ERC1: variants seen among roughly 807,000 people sequenced by gnomAD.
ERC1 encodes RAB6 interacting protein 2.
In ERC1, 56 loss-of-function variants were observed where a neutral mutation model predicts 132.0. That is an observed-to-expected ratio of 0.42 (90% confidence interval 0.34 to 0.53). The LOEUF (loss-of-function observed/expected upper bound fraction) is 0.53. ERC1 is among the 20% of genes least tolerant of loss of function. The pLI is 0.03. For synonymous variants in ERC1, 478 were observed against 476.1 expected (o/e 1.00, Z -0.05); for missense variants, 1,202 against 1,349.9 (o/e 0.89, Z 1.72).
intron 18 of ERC1, among the ~76,000 whole-genome samples, chr12:1,458,622 C>T (rs2093589156): frequency 6.6e-6 from 1 of 151,730 alleles, no homozygotes; most frequent in African/African-American, 2.4e-5. Flanking sequence ...ACAACCTCCA[C>T]CTCCCAGGTT....
chr12:1,471,435 A>G (rs906079679), intron 18 of ERC1, among the ~76,000 whole-genome samples: 2 of 152,274 alleles, frequency 1.3e-5, no homozygotes, highest in Non-Finnish European at 2.9e-5. Flanking sequence ...AAATTAAGAT[A>G]TGAGTATGTT....
At chr12:1,178,880 G>T (rs142466108) in intron 8 of ERC1, among the ~76,000 whole-genome samples, 14 of 152,204 alleles carry the variant, frequency 9.2e-5, no homozygotes, top group Admixed American at 4.6e-4. Context: ...CAGGGATTTG[G>T]TCTGTTTTCA....
intron 15 of ERC1, among the ~76,000 whole-genome samples, chr12:1,351,945 A>G (rs2085039276): frequency 1.3e-5 from 2 of 152,282 alleles, no homozygotes; most frequent in South Asian, 4.1e-4. Flanking sequence ...AATTAATGGT[A>G]CATTATTTAT....
rs577612189 is a variant in ERC1 at position 1,033,883 on chromosome 12, A to G, written c.669+5311A>G. ...GACCTCAGGTGATCTGCCCGCCTCAACCTCCCAAAGTGTTGGGATTACAGG... is the reference window on the plus strand; with the variant it reads ...GACCTCAGGTGATCTGCCCGCCTCAGCCTCCCAAAGTGTTGGGATTACAGG... On this transcript the variant is annotated intron_variant, in intron 2 of 18. Transcript: ENST00000360905. 6.6e-5 allele frequency among the ~76,000 whole-genome samples: 10 copies of G among 150,452 alleles called. 1 individual carries two copies. The highest frequency in any genetic ancestry group is 1.2e-4 in the Non-Finnish European group (8 of 67,410).
At chr12:1,231,747 A>AT (rs1031466696) in intron 12 of ERC1, among the ~76,000 whole-genome samples, 10 of 149,284 alleles carry the variant, frequency 6.7e-5, no homozygotes, top group East Asian at 3.9e-4. Flanking sequence ...AAGTAAAGCA[A>AT]TTTTTTTTTT....
intron 16 of ERC1, among the ~76,000 whole-genome samples, chr12:1,402,924 T>A (rs1406510653): frequency 6.6e-6 from 1 of 152,212 alleles, no homozygotes; most frequent in Non-Finnish European, 1.5e-5. Flanking sequence ...AGATTTTTTT[T>A]ATCAATACTA....
At chr12:1,286,875 G>T (rs2079076105) in intron 14 of ERC1, among the ~76,000 whole-genome samples, 1 of 152,104 alleles carries the variant, frequency 6.6e-6, no homozygotes, top group Non-Finnish European at 1.5e-5. Context: ...CTTTATGAAA[G>T]ATATTAAAGT....
chr12:1,170,189 G>A (rs540551188), intron 8 of ERC1, among the ~76,000 whole-genome samples: 196 of 152,218 alleles, frequency 1.3e-3, no homozygotes, highest in African/African-American at 4.6e-3. Flanking sequence ...TAATAAACAA[G>A]TTTTTGTATC....
intron 8 of ERC1, among the ~76,000 whole-genome samples, chr12:1,157,381 G>A (rs1378793840): frequency 6.6e-6 from 1 of 152,162 alleles, no homozygotes; most frequent in East Asian, 1.9e-4. Context: ...ATTCATACAT[G>A]CTTTTCTCTG....
At chr12:1,010,677 AT>A (rs999950942) in intron 1 of ERC1, among the ~76,000 whole-genome samples, 2 of 149,992 alleles carry the variant, frequency 1.3e-5, no homozygotes, top group African/African-American at 2.4e-5. Context: ...CACCTGGCTA[AT>A]TTTTTTTTAT....
intron 3 of ERC1, among the ~76,000 whole-genome samples, chr12:1,103,235 G>A (rs1449497025): frequency 2.0e-5 from 3 of 152,230 alleles, no homozygotes; most frequent in Non-Finnish European, 2.9e-5. Context: ...AAGGGCTTAA[G>A]GATCAGGAGC....
intron 14 of ERC1, among the ~76,000 whole-genome samples, chr12:1,271,731 A>C (rs1197364420): frequency 6.6e-6 from 1 of 152,172 alleles, no homozygotes; most frequent in East Asian, 1.9e-4. Context: ...TTCTCTTCTG[A>C]GATCCAAAGT....
intron 2 of ERC1, among the ~76,000 whole-genome samples, chr12:1,060,930 G>T (rs1242321252): frequency 6.6e-6 from 1 of 151,944 alleles, no homozygotes; most frequent in Non-Finnish European, 1.5e-5. Context: ...GTTTCACCGT[G>T]TTAGCCAGGA....
chr12:1,493,548 A>AAAAATAT lies in ERC1; in HGVS notation c.*3319_*3320insAAATATA, dbSNP rs56939346. On this transcript the variant is annotated 3_prime_UTR_variant, in exon 19 of 19. Coordinates refer to ENST00000360905, the MANE Select transcript of ERC1 (RefSeq NM_178040.4). ...ACTCCATTTAAAAAAAAAAAAAAAA[A>AAAAATAT]ATATATATATATATATATATATATA... 5.9e-4 allele frequency: 8 copies of AAAAATAT among 13,618 alleles called. 1 individual carries two copies. The highest frequency in any genetic ancestry group is 1.0e-3 in the Admixed American group (1 of 976). The allele number at this position is 13,618 out of a possible 1,614,324, so 0.8% of individuals were successfully genotyped here. A position where few individuals can be genotyped will look rare whatever the true frequency, so the allele number is the denominator to read the frequency against.
chr12:1,256,399 G>A lies in ERC1; in HGVS notation c.2488-6635G>A, dbSNP rs550501324. Among the ~76,000 whole-genome samples, 7 of 144,532 alleles carry A rather than the reference G, an allele frequency of 4.8e-5. 1 individual carries two copies. The East Asian group carries it at 8.0e-4, about 16-fold the overall frequency. 94.8% of individuals were successfully genotyped at this position (144,532 alleles called of 152,430 possible). A position where few individuals can be genotyped will look rare whatever the true frequency, so the allele number is the denominator to read the frequency against. ...TATTCAGTGGGGGCCAATAGACTCT[G>A]AGTATTTCGTTCTCAGACTAAAAAA... is the stretch of plus-strand genomic sequence containing the variant. On this transcript the variant is annotated intron_variant, in intron 13 of 18. Coordinates refer to ENST00000360905, the MANE Select transcript of ERC1 (RefSeq NM_178040.4).
At chr12:1,409,909 G>A (rs1006647325) in intron 17 of ERC1, among the ~76,000 whole-genome samples, 4 of 151,888 alleles carry the variant, frequency 2.6e-5, no homozygotes, top group Non-Finnish European at 4.4e-5. Context: ...GGGTTTCACC[G>A]TGTTGGCCAG....
intron 15 of ERC1, among the ~76,000 whole-genome samples, chr12:1,359,160 A>C (rs533681504): frequency 8.3e-4 from 126 of 152,344 alleles, no homozygotes; most frequent in African/African-American, 2.5e-3. Flanking sequence ...AAGTAGGCTC[A>C]GTCGAGGCTT....
chr12:1,077,860 G>C (rs1049829862), intron 2 of ERC1, among the ~76,000 whole-genome samples: 33 of 152,056 alleles, frequency 2.2e-4, no homozygotes, highest in African/African-American at 8.0e-4. Flanking sequence ...TAAAGGAGTT[G>C]GCAGGAATTT....
Position 1,422,594 on chromosome 12 carries a change from G to A in ERC1, c.3024+14347G>A, listed in dbSNP as rs77184669. Among the ~76,000 whole-genome samples, 679 of 151,492 alleles carry A rather than the reference G, an allele frequency of 4.5e-3. 9 individuals are homozygous for A. The highest frequency in any genetic ancestry group is 0.016 in the African/African-American group (642 of 41,214). ...AGATATTTGCCACATTTATCCATTC[G>A]TCTGTTGATGGATACTTAGGTTAGT... is the stretch of plus-strand genomic sequence containing the variant. On this transcript the variant is annotated intron_variant, in intron 17 of 18. Coordinates refer to ENST00000360905, the MANE Select transcript of ERC1 (RefSeq NM_178040.4).
Sources: gnomAD v4.1 joint callset for allele counts (sites outside exome capture counted in the v4.1 genomes callset) on GRCh38, gnomAD v4.1.1 for gene constraint, MANE v1.5 for transcripts, NCBI Gene and HGNC (gene_info 2026-07-23, HGNC 2026-07-21) for gene names.